SPAG7: variants seen among roughly 807,000 people sequenced by gnomAD.
SPAG7 encodes sperm associated antigen 7.
Under a neutral mutation model 30.6 loss-of-function variants are expected in SPAG7, and 20 were observed. The observed-to-expected ratio is 0.65, with a 90% confidence interval of 0.46 to 0.95. SPAG7 has a LOEUF of 0.95. SPAG7 is among the 40% of genes least tolerant of loss of function. The pLI is 0.00. For missense variants in SPAG7, 276 were observed against 291.1 expected (o/e 0.95, Z 0.38); for synonymous variants, 127 against 104.2 (o/e 1.22, Z -1.33).
intron 1 of SPAG7, among the ~76,000 whole-genome samples, chr17:4,964,388 GTC>G (rs1177892586): frequency 1.5e-5 from 2 of 130,804 alleles, no homozygotes; most frequent in Non-Finnish European, 3.1e-5. Context: ...TTGAGACGGA[GTC>G]TCGCTCTGTC....
At position 4,959,309 on chromosome 17, in the gene SPAG7, A is replaced by G. The variant is rs375245099; in HGVS notation, c.*225T>C. The G allele has an allele frequency of 3.3e-4, 196 of 586,174 alleles. 3 individuals carry two copies. The South Asian group carries it at 4.1e-3, about 12-fold the overall frequency. The allele number at this position is 586,174 out of a possible 1,614,324, so 36.3% of individuals were successfully genotyped here. On this transcript the variant is annotated 3_prime_UTR_variant, in exon 7 of 7. Coordinates refer to ENST00000206020, the MANE Select transcript of SPAG7 (RefSeq NM_004890.3). Reference sequence around the variant, plus strand: ...CCAAGAACGGGGAATAATACAGATTAAATACCCACCTGTGCATTCACACTC... The same window carrying G: ...CCAAGAACGGGGAATAATACAGATTGAATACCCACCTGTGCATTCACACTC...
At chr17:4,966,671 C>G in intron 1 of SPAG7, 2 of 985,492 alleles carry the variant, frequency 2.0e-6, no homozygotes, top group Non-Finnish European at 2.4e-6. Flanking sequence ...AGTTATTTTT[C>G]TCTCAGAGCA....
At chr17:4,966,576 T>C in intron 1 of SPAG7, 1 of 985,234 alleles carries the variant, frequency 1.0e-6, no homozygotes, top group Non-Finnish European at 1.2e-6. Context: ...TGTAACGCTT[T>C]GCTTCTCTCT....
At position 4,959,244 on chromosome 17, in the gene SPAG7, A is replaced by G; in HGVS notation, c.*290T>C. ...CAGGACATTGGGTTAAACAGTATTT[A>G]TTGAATGTAAAGTACCCCAGCCCCA... is the stretch of plus-strand genomic sequence containing the variant. On this transcript the variant is annotated 3_prime_UTR_variant, in exon 7 of 7. Coordinates refer to ENST00000206020, the MANE Select transcript of SPAG7 (RefSeq NM_004890.3). The G allele has an allele frequency of 2.0e-6, 1 of 499,422 alleles. No individual in the cohort carries two copies. Among genetic ancestry groups the G allele is most frequent in the Non-Finnish European group, 3.6e-6 (1 of 278,668 alleles). The allele number at this position is 499,422 out of a possible 1,614,324, so 30.9% of individuals were successfully genotyped here.
intron 1 of SPAG7, 111 bp from the exon 2 acceptor site, chr17:4,960,964 G>T: frequency 1.1e-6 from 1 of 913,602 alleles, no homozygotes; most frequent in Non-Finnish European, 1.8e-6. Flanking sequence ...GGCTGGGAAG[G>T]TAGGATTAGC....
chr17:4,967,537 G>T (rs1011026511), intron 1 of SPAG7, among the ~76,000 whole-genome samples, 183 bp downstream of exon 1: 4 of 152,068 alleles, frequency 2.6e-5, no homozygotes, highest in Non-Finnish European at 5.9e-5. Flanking sequence ...TATCTTTCAG[G>T]TAGCCAATCA....
At chr17:4,965,798 T>C (rs67059207) in intron 1 of SPAG7, 32,995 of 151,912 alleles carry the variant, frequency 0.22, 3,825 homozygotes, top group Middle Eastern at 0.3. Flanking sequence ...ATTGGGACCA[T>C]AGGAGCGCGC....
At chr17:4,965,189 A>G (rs1357053171) in intron 1 of SPAG7, among the ~76,000 whole-genome samples, 1 of 152,222 alleles carries the variant, frequency 6.6e-6, no homozygotes, top group African/African-American at 2.4e-5. Context: ...TTGGGATTAC[A>G]GGCGTGAGCC....
chr17:4,959,754 C>CCT lies in SPAG7; in HGVS notation c.574+4_574+5dup, dbSNP rs1971828277. The stretch of plus-strand genomic sequence containing the variant: ...CCAGCCACCCCCAGCCGCACTGTGG[C>CCT]CTCACCACAGCCGTAGGTCTTATTG... On this transcript the variant is annotated splice_donor_region_variant and intron_variant, in intron 6 of 6. Transcript: ENST00000206020. The CCT allele has an allele frequency of 2.5e-6, 4 of 1,614,180 alleles. No homozygotes were observed. The highest frequency in any genetic ancestry group is 8.5e-7 in the Non-Finnish European group (1 of 1,180,016).
intron 1 of SPAG7, among the ~76,000 whole-genome samples, chr17:4,964,657 G>A (rs1403650428): frequency 6.6e-6 from 1 of 151,976 alleles, no homozygotes. Flanking sequence ...CACCGCACCC[G>A]GCCAAATCCT....
chr17:4,966,198 G>C (rs1224608743), intron 1 of SPAG7: 1 of 152,232 alleles, frequency 6.6e-6, no homozygotes, highest in African/African-American at 2.4e-5. Flanking sequence ...GACTGGTCTT[G>C]AACTCCTGGG....
intron 1 of SPAG7, among the ~76,000 whole-genome samples, chr17:4,965,317 G>A (rs1298708347): frequency 6.6e-6 from 1 of 152,138 alleles, no homozygotes; most frequent in Non-Finnish European, 1.5e-5. Context: ...CCAAAGTGCT[G>A]GGATTATAGG....
chr17:4,959,663 T>C lies in SPAG7; in HGVS notation c.575-20A>G. 1 of 1,613,176 alleles carries C rather than the reference T, an allele frequency of 6.2e-7. No individual in the cohort carries two copies. The highest frequency in any genetic ancestry group is 8.5e-7 in the Non-Finnish European group (1 of 1,179,422). On this transcript the variant is annotated intron_variant, in intron 6 of 6. Transcript: ENST00000206020. ...CGGGCACTAGGGGCAGAGAGGAGGG[T>C]AGGGCGGGCCTAGAAATCCGTACCT... is the stretch of plus-strand genomic sequence containing the variant.
At chr17:4,962,993 T>C (rs931779149) in intron 1 of SPAG7, among the ~76,000 whole-genome samples, 1 of 152,060 alleles carries the variant, frequency 6.6e-6, no homozygotes, top group South Asian at 2.1e-4. Context: ...TGGTCTCCAG[T>C]TGGCCTCAAG....
At position 4,959,783 on chromosome 17, in the gene SPAG7, T is replaced by C. The variant is rs1215625091; in HGVS notation, c.551A>G (p.Gln184Arg). 5 of 1,614,072 alleles carry C rather than the reference T, an allele frequency of 3.1e-6. No homozygotes were observed. The highest frequency in any genetic ancestry group is 2.2e-5 in the East Asian group (1 of 44,892). Residue 184 changes from glutamine to arginine, a missense_variant, in exon 6 of 7, where the codon CAG becomes CGG. Physicochemically the swap from Gln to Arg is conservative, Grantham distance 43 (BLOSUM62 1). Coordinates refer to ENST00000206020, the MANE Select transcript of SPAG7 (RefSeq NM_004890.3). ...GAAKDAAHML[Q>R]ANKTYGCVPV... ...ACCACAGCCGTAGGTCTTATTGGCCTGTAGCATGTGGGCTGCGTCTTTGGC... is the reference window on the plus strand; with the variant it reads ...ACCACAGCCGTAGGTCTTATTGGCCCGTAGCATGTGGGCTGCGTCTTTGGC...
intron 1 of SPAG7, among the ~76,000 whole-genome samples, chr17:4,962,790 C>T (rs887700302): frequency 3.3e-5 from 5 of 151,940 alleles, no homozygotes; most frequent in Admixed American, 6.6e-5. Context: ...CCTCGTGATC[C>T]GCCCGCCTCA....
chr17:4,960,214 G>A lies in SPAG7; in HGVS notation c.327+20C>T, dbSNP rs1255221117. 5.6e-6 allele frequency: 9 copies of A among 1,611,198 alleles called. No individual in the cohort carries two copies. The highest frequency in any genetic ancestry group is 3.3e-5 in the Admixed American group (2 of 60,024). On this transcript the variant is annotated intron_variant, in intron 4 of 6. Transcript: ENST00000206020. ...GGCTACAAAGGGGAGAGGAGAGAAT[G>A]AGGAATTCAGGCCCTTTACCTTTTT... is the stretch of plus-strand genomic sequence containing the variant.
At position 4,960,547 on chromosome 17, in the gene SPAG7, T is replaced by C. The variant is rs1971845089; in HGVS notation, c.154A>G (p.Met52Val). 3 of 1,602,446 alleles carry C rather than the reference T, an allele frequency of 1.9e-6. No individual in the cohort carries two copies. The highest frequency in any genetic ancestry group is 2.6e-6 in the Non-Finnish European group (3 of 1,174,676). ...ATGAAATCTGACACCTCCTTCTCCA[T>C]CTTGGGAGAGGGGAAAGGAAGCAGA... ...KQQKVEFRKR[M>V]EKEVSDFIQD... The change falls in exon 3 of 7, where the codon ATG becomes GTG. Residue 52 changes from methionine to valine, a missense_variant and splice_region_variant. Met to Val is a conservative substitution (Grantham distance 21). Transcript: ENST00000206020.
intron 1 of SPAG7, among the ~76,000 whole-genome samples, chr17:4,961,602 A>T (rs1300629274): frequency 1.4e-5 from 2 of 146,170 alleles, no homozygotes; most frequent in Non-Finnish European, 3.0e-5. Flanking sequence ...AAAAAAAAAA[A>T]AATATACAAA....
Sources: gnomAD v4.1 joint callset for allele counts (sites outside exome capture counted in the v4.1 genomes callset) on GRCh38, gnomAD v4.1.1 for gene constraint, MANE v1.5 for transcripts, NCBI Gene and HGNC (gene_info 2026-07-23, HGNC 2026-07-21) for gene names.